Variants in CHRDL1 observed in about 807,000 individuals in gnomAD.
The protein encoded by CHRDL1 is chordin like 1.
In CHRDL1, 19 loss-of-function variants were observed where a neutral mutation model predicts 40.9. The ratio of observed to expected loss-of-function variants is 0.46; its 90% CI spans 0.32 to 0.68. CHRDL1 has a LOEUF of 0.68. Ranked by LOEUF, CHRDL1 falls within the 30% of genes least tolerant of loss-of-function variation. CHRDL1 has a pLI of 0.03. For synonymous variants in CHRDL1, 136 were observed against 123.4 expected, an observed-to-expected ratio of 1.10 and a Z score of -0.68; for missense variants, 329 against 352.1, an observed-to-expected ratio of 0.93 and a Z score of 0.53.
intron 2 of CHRDL1, among the ~76,000 whole-genome samples, chrX:110,779,731 G>C (rs2089910221): frequency 9.0e-6 from 1 of 111,069 alleles, no homozygotes; most frequent in Non-Finnish European, 1.9e-5. Context: ...AACTTGCTGG[G>C]ATTTTACTGA....
At chrX:110,772,409 C>A (rs1371088286) in intron 2 of CHRDL1, among the ~76,000 whole-genome samples, 1 of 112,951 alleles carries the variant, frequency 8.9e-6, no homozygotes, top group Non-Finnish European at 1.9e-5. Context: ...GAGGCTGAGG[C>A]AGGCAAATCG....
rs112899798 is a variant in CHRDL1, at chrX:110,720,021, C to T, written c.448-93G>A. On this transcript the variant is annotated intron_variant, in intron 5 of 11. Coordinates refer to ENST00000372042, the MANE Select transcript of CHRDL1 (RefSeq NM_001143981.2). The stretch of plus-strand genomic sequence containing the variant: ...TGAAATAGAGCAGGGACTCAAAACA[C>T]GGCATGTCCTTCCCCCCAGCTCTCC... 8.0e-3 allele frequency: 3,703 copies of T among 462,320 alleles called. 103 individuals carry two copies. The highest frequency in any genetic ancestry group is 0.078 in the African/African-American group (3,158 of 40,361). 38.1% of individuals were successfully genotyped at this position (462,320 alleles called of 1,213,427 possible).
At chrX:110,726,737 G>A (rs2071065717) in intron 4 of CHRDL1, among the ~76,000 whole-genome samples, 1 of 112,239 alleles carries the variant, frequency 8.9e-6, no homozygotes, top group African/African-American at 3.2e-5. Context: ...AGGTCACAGA[G>A]AGGAAAGCAG....
chrX:110,697,196 G>C (rs1391052708), intron 7 of CHRDL1, among the ~76,000 whole-genome samples: 1 of 110,493 alleles, frequency 9.1e-6, no homozygotes, highest in African/African-American at 3.3e-5. Flanking sequence ...AGGCTTTAGA[G>C]GTGGCTCTAA....
At chrX:110,719,548 T>C (rs2070906862) in intron 6 of CHRDL1, among the ~76,000 whole-genome samples, 1 of 110,592 alleles carries the variant, frequency 9.0e-6, no homozygotes, top group Non-Finnish European at 1.9e-5. Context: ...TAGAAGGGAT[T>C]AAGGATGGAG....
At chrX:110,679,517 C>T (rs189089869) in intron 10 of CHRDL1, 92 bp from the exon 11 acceptor site, 1 of 596,179 alleles carries the variant, frequency 1.7e-6, no homozygotes, top group Non-Finnish European at 2.9e-6. Flanking sequence ...CATATCATTT[C>T]ATTACTAGGG....
At chrX:110,780,104 T>G (rs2089916731) in intron 2 of CHRDL1, among the ~76,000 whole-genome samples, 2 of 111,520 alleles carry the variant, frequency 1.8e-5, no homozygotes, top group Non-Finnish European at 1.9e-5. Context: ...GGATTTTCTA[T>G]GCAGAAAAAC....
At chrX:110,695,007 G>A (rs1433492019) in intron 7 of CHRDL1, among the ~76,000 whole-genome samples, 3 of 111,041 alleles carry the variant, frequency 2.7e-5, no homozygotes, top group Admixed American at 9.6e-5. Context: ...ATAGAGGTGA[G>A]GGCATAGAAG....
At chrX:110,772,127 GGA>G (rs908230920) in intron 2 of CHRDL1, among the ~76,000 whole-genome samples, 1 of 110,773 alleles carries the variant, frequency 9.0e-6, no homozygotes, top group Non-Finnish European at 1.9e-5. Flanking sequence ...CCTAAAAAAT[GGA>G]GAGATACACT....
intron 2 of CHRDL1, among the ~76,000 whole-genome samples, chrX:110,781,148 A>G (rs2089935223): frequency 1.8e-5 from 2 of 111,755 alleles, no homozygotes; most frequent in South Asian, 7.5e-4. Flanking sequence ...ACTAACATCT[A>G]AATAAGGCAT....
In CHRDL1 at chrX:110,700,253, T is replaced by C. The variant is rs183625598; in HGVS notation, c.609+401A>G. Among the ~76,000 whole-genome samples, 257 of 111,430 alleles carry C rather than the reference T, an allele frequency of 2.3e-3. 2 individuals are homozygous for C. The highest frequency in any genetic ancestry group is 3.7e-3 in the Non-Finnish European group (197 of 53,099). On this transcript the variant is annotated intron_variant, in intron 7 of 11. Transcript: ENST00000372042. Reference sequence around the variant, plus strand: ...AGCCTAAGGCTTGGGAAAGAGTTTATGTGGACATGTCTGAAGTACCTACCA... The same window carrying C: ...AGCCTAAGGCTTGGGAAAGAGTTTACGTGGACATGTCTGAAGTACCTACCA...
At chrX:110,761,097 T>G (rs778635147) in intron 3 of CHRDL1, among the ~76,000 whole-genome samples, 1 of 112,007 alleles carries the variant, frequency 8.9e-6, no homozygotes, top group East Asian at 2.8e-4. Flanking sequence ...AAGTATTGTT[T>G]TAAATGATTT....
chrX:110,706,917 T>C (rs2070650875), intron 6 of CHRDL1, among the ~76,000 whole-genome samples: 1 of 112,350 alleles, frequency 8.9e-6, no homozygotes, highest in South Asian at 3.7e-4. Flanking sequence ...AAATGTTCTC[T>C]GTATTTTTTG....
intron 2 of CHRDL1, among the ~76,000 whole-genome samples, chrX:110,773,532 T>C (rs2089795466): frequency 9.1e-6 from 1 of 109,719 alleles, no homozygotes; most frequent in Non-Finnish European, 1.9e-5. Flanking sequence ...ATCTAGACCA[T>C]CCTGGCTAAC....
chrX:110,735,863 G>C (rs197043), intron 4 of CHRDL1, among the ~76,000 whole-genome samples: 6,098 of 112,399 alleles, frequency 0.054, 422 homozygotes, highest in African/African-American at 0.19. Context: ...GAGATAATGA[G>C]CTCGGGGACA....
chrX:110,709,823 C>T (rs753914296), intron 6 of CHRDL1, among the ~76,000 whole-genome samples: 8 of 110,575 alleles, frequency 7.2e-5, no homozygotes, highest in South Asian at 3.9e-4. Flanking sequence ...TAGACAACAT[C>T]GGGAAACCCC....
intron 6 of CHRDL1, among the ~76,000 whole-genome samples, chrX:110,712,612 T>C (rs2070765178): frequency 9.0e-6 from 1 of 111,051 alleles, no homozygotes; most frequent in Non-Finnish European, 1.9e-5. Flanking sequence ...CTCATGTCTG[T>C]AATCCCAGCA....
At chrX:110,750,896 G>A (rs1245586774) in intron 4 of CHRDL1, among the ~76,000 whole-genome samples, 2 of 111,895 alleles carry the variant, frequency 1.8e-5, no homozygotes, top group African/African-American at 6.5e-5. Flanking sequence ...TGTTTCCAGA[G>A]TGTCTATGTG....
intron 6 of CHRDL1, among the ~76,000 whole-genome samples, chrX:110,710,910 G>A (rs773801823): frequency 9.0e-6 from 1 of 111,248 alleles, no homozygotes; most frequent in Admixed American, 9.6e-5. Flanking sequence ...ATACACAGTC[G>A]TCCCTCAGTA....
Sources: gnomAD v4.1 joint callset for allele counts (sites outside exome capture counted in the v4.1 genomes callset) on GRCh38, gnomAD v4.1.1 for gene constraint, MANE v1.5 for transcripts, NCBI Gene and HGNC (gene_info 2026-07-23, HGNC 2026-07-21) for gene names.